PHKG2: variants seen among roughly 807,000 people sequenced by gnomAD.
PHKG2 encodes phosphorylase b kinase gamma catalytic chain, liver/testis isoform.
Under a neutral mutation model 44.5 loss-of-function variants are expected in PHKG2, and 28 were observed. The ratio of observed to expected loss-of-function variants is 0.63; its 90% CI spans 0.47 to 0.86. PHKG2 has a LOEUF of 0.86. PHKG2 is among the 40% of genes least tolerant of loss of function. PHKG2 has a pLI of 0.00. For synonymous variants in PHKG2, 220 were observed against 211.2 expected (o/e 1.04, Z -0.36); for missense variants, 498 against 547.5 (o/e 0.91, Z 0.90).
rs774055979 is a variant in PHKG2, at chr16:30,759,130, G to A, written c.*2033G>A. ...CAAACCAGAAGCAGGAAGAGACTGT[G>A]GCCCCAGGCCTGGCCCAGCCCAGCC... On this transcript the variant is annotated 3_prime_UTR_variant, in exon 10 of 10. Coordinates refer to ENST00000563588, the MANE Select transcript of PHKG2 (RefSeq NM_000294.3). 2.2e-5 allele frequency: 35 copies of A among 1,614,184 alleles called. No individual in the cohort carries two copies. In the South Asian group the frequency reaches 3.6e-4, roughly 17 times the overall value.
chr16:30,753,645 G>A lies in PHKG2; in HGVS notation c.556+88G>A. On this transcript the variant is annotated intron_variant, in intron 6 of 9. Coordinates refer to ENST00000563588, the MANE Select transcript of PHKG2 (RefSeq NM_000294.3). Reference sequence around the variant, plus strand: ...GGCTGGGTCTGAGTACCAAGTCCCTGGTGCCAAGAAAAAGGGAGAAGTCAT... The same window carrying A: ...GGCTGGGTCTGAGTACCAAGTCCCTAGTGCCAAGAAAAAGGGAGAAGTCAT... 2.3e-6 allele frequency: 3 copies of A among 1,325,276 alleles called. No individual in the cohort carries two copies. The South Asian group carries it at 3.7e-5, about 16-fold the overall frequency. The allele number at this position is 1,325,276 out of a possible 1,614,324, so 82.1% of individuals were successfully genotyped here.
chr16:30,751,156 A>G lies in PHKG2; in HGVS notation c.146A>G (p.Glu49Gly). Residue 49 changes from glutamate to glycine, a missense_variant, in exon 3 of 10, where the codon GAG becomes GGG. By Grantham distance (98) the Glu-to-Gly change is moderately conservative. Transcript: ENST00000563588. ...TGTGTTCATCGAGCTACTGGCCACG[A>G]GTTTGCGGTGAAGATTATGGAAGTG... ...RRCVHRATGHEFAVKIMEVTA... is the reference protein window; with the variant it reads ...RRCVHRATGHGFAVKIMEVTA... 1 of 1,613,916 alleles carries G rather than the reference A, an allele frequency of 6.2e-7. No homozygotes were observed. The highest frequency in any genetic ancestry group is 8.5e-7 in the Non-Finnish European group (1 of 1,180,022).
In PHKG2 at chr16:30,753,498, A is replaced by C. The variant is rs757490714; in HGVS notation, c.497A>C (p.Gln166Pro). 1 of 1,614,174 alleles carries C rather than the reference A, an allele frequency of 6.2e-7. No individual in the cohort carries two copies. Among genetic ancestry groups the C allele is most frequent in the South Asian group, 1.1e-5 (1 of 91,084 alleles). Residue 166 changes from glutamine to proline, a missense_variant, in exon 6 of 10, where the codon CAG becomes CCG. By Grantham distance (76) the Gln-to-Pro change is moderately conservative (BLOSUM62 -1). Transcript: ENST00000563588. ...AATATTCTCCTAGATGACAATATGCAGATCCGACTTTCAGATTTCGGGTTC... is the reference window on the plus strand; with the variant it reads ...AATATTCTCCTAGATGACAATATGCCGATCCGACTTTCAGATTTCGGGTTC... Reference protein sequence around the residue: ...PENILLDDNMQIRLSDFGFSC... With the variant: ...PENILLDDNMPIRLSDFGFSC...
chr16:30,751,038 G>C, intron 2 of PHKG2, 68 bp from the exon 3 acceptor site: 1 of 1,528,564 alleles, frequency 6.5e-7, no homozygotes, highest in Non-Finnish European at 9.0e-7. Context: ...TGAGGATGCT[G>C]AGGCCCCAGC....
rs779878553 is a variant in PHKG2, at chr16:30,756,915, C to T, written c.1039C>T (p.Arg347Trp). Residue 347 changes from arginine (R) to tryptophan (W), a missense_variant, in exon 10 of 10, where the codon CGG becomes TGG. Physicochemically the swap from Arg to Trp is moderately radical, Grantham distance 101. Transcript: ENST00000563588. ...LRDPYALRSV[R>W]HLIDNCAFRL... ...GGACCCTTATGCGCTGCGGTCAGTG[C>T]GGCACCTCATCGACAACTGTGCCTT... The T allele has an allele frequency of 5.6e-6, 9 of 1,613,868 alleles. No homozygotes were observed. Among genetic ancestry groups the T allele is most frequent in the African/African-American group, 4.0e-5 (3 of 74,914 alleles).
rs1195679291 is a variant in PHKG2, at chr16:30,751,616, C to T, written c.326+13C>T. 6.2e-7 allele frequency: 1 copy of T among 1,608,300 alleles called. No homozygotes were observed. Among genetic ancestry groups the T allele is most frequent in the Admixed American group, 1.7e-5 (1 of 60,014 alleles). On this transcript the variant is annotated intron_variant, in intron 4 of 9. Transcript: ENST00000563588. The stretch of plus-strand genomic sequence containing the variant: ...TGGTGTTTGACCTGTGAGTATCTCC[C>T]TGCCACCATCTGAGAAGCCTCCTCC...
chr16:30,753,089 G>T (rs2053372673), intron 4 of PHKG2, 143 bp from the exon 5 acceptor site: 1 of 731,210 alleles, frequency 1.4e-6, no homozygotes. Flanking sequence ...CCTTGTTGGA[G>T]TGCTGTGTTT....
chr16:30,757,862 C>A lies in PHKG2; in HGVS notation c.*765C>A. 7.4e-7 allele frequency: 1 copy of A among 1,357,934 alleles called. No individual in the cohort carries two copies. The allele number at this position is 1,357,934 out of a possible 1,614,324, so 84.1% of individuals were successfully genotyped here. On this transcript the variant is annotated 3_prime_UTR_variant, in exon 10 of 10. Coordinates refer to ENST00000563588, the MANE Select transcript of PHKG2 (RefSeq NM_000294.3). The stretch of plus-strand genomic sequence containing the variant: ...ATGCTGGACTTTGCAGCTTCAAATT[C>A]TGATCCCTACTCAGTAGCTGTGTGA...
rs767906816 is a variant in PHKG2 at position 30,756,897 on chromosome 16, T to C, written c.1021T>C (p.Tyr341His). The change falls in exon 10 of 10, where the codon TAT (tyrosine) becomes CAT (histidine). Residue 341 changes from tyrosine to histidine, a missense_variant. Physicochemically the swap from Tyr to His is moderately conservative, Grantham distance 83 (BLOSUM62 2). Coordinates refer to ENST00000563588, the MANE Select transcript of PHKG2 (RefSeq NM_000294.3). ...LTKNALLRDP[Y>H]ALRSVRHLID... ...CAAGAATGCACTGTTGAGGGACCCTTATGCGCTGCGGTCAGTGCGGCACCT... is the reference window on the plus strand; with the variant it reads ...CAAGAATGCACTGTTGAGGGACCCTCATGCGCTGCGGTCAGTGCGGCACCT... 8 of 1,614,122 alleles carry C rather than the reference T, an allele frequency of 5.0e-6. No individual in the cohort carries two copies. The South Asian group carries it at 8.8e-5, about 18-fold the overall frequency.
chr16:30,756,363 C>T lies in PHKG2; in HGVS notation c.648-4C>T. The T allele has an allele frequency of 6.2e-7, 1 of 1,614,174 alleles. No individual in the cohort carries two copies. The highest frequency in any genetic ancestry group is 8.5e-7 in the Non-Finnish European group (1 of 1,180,024). On this transcript the variant is annotated splice_polypyrimidine_tract_variant and splice_region_variant and intron_variant, in intron 7 of 9. Coordinates refer to ENST00000563588, the MANE Select transcript of PHKG2 (RefSeq NM_000294.3). ...GTCCCGCCTGACTCCAGTCTCTTTCCCAGCTGGGCCTGTGGGGTGATCTTG... is the reference window on the plus strand; with the variant it reads ...GTCCCGCCTGACTCCAGTCTCTTTCTCAGCTGGGCCTGTGGGGTGATCTTG...
chr16:30,757,983 G>T lies in PHKG2; in HGVS notation c.*886G>T. ...ACATAGGATTGAGGGAGGATTAAATGAGTTAATTTATGTAAAATGCTTAGA... is the reference window on the plus strand; with the variant it reads ...ACATAGGATTGAGGGAGGATTAAATTAGTTAATTTATGTAAAATGCTTAGA... On this transcript the variant is annotated 3_prime_UTR_variant, in exon 10 of 10. Coordinates refer to ENST00000563588, the MANE Select transcript of PHKG2 (RefSeq NM_000294.3). 1 of 324,798 alleles carries T rather than the reference G, an allele frequency of 3.1e-6. No homozygotes were observed. Among genetic ancestry groups the T allele is most frequent in the Non-Finnish European group, 5.2e-6 (1 of 193,308 alleles). 20.1% of individuals were successfully genotyped at this position (324,798 alleles called of 1,614,324 possible). A position where few individuals can be genotyped will look rare whatever the true frequency, so the allele number is the denominator to read the frequency against.
intron 6 of PHKG2, chr16:30,754,862 C>T (rs1352277170): frequency 4.4e-6 from 2 of 455,918 alleles, no homozygotes; most frequent in Admixed American, 4.7e-5. Context: ...TGTTATTTCT[C>T]ACTTGCCTTC....
At chr16:30,755,230 A>G in intron 6 of PHKG2, 1 of 192,360 alleles carries the variant, frequency 5.2e-6, no homozygotes, top group Non-Finnish European at 1.1e-5. Context: ...TGACATAGCG[A>G]CCCTGTCTCT....
rs925252976 is a variant in PHKG2 at position 30,761,081 on chromosome 16, C to T, written c.*3984C>T. On this transcript the variant is annotated 3_prime_UTR_variant, in exon 10 of 10. Coordinates refer to ENST00000563588, the MANE Select transcript of PHKG2 (RefSeq NM_000294.3). ...AACTTCCAGTCACCTGGAGTAATTG[C>T]ATCTCCAGGCCTCAGTCTCATCTGT... 15 of 1,169,512 alleles carry T rather than the reference C, an allele frequency of 1.3e-5. No individual in the cohort carries two copies. Among genetic ancestry groups the T allele is most frequent in the Non-Finnish European group, 1.7e-5 (14 of 820,562 alleles). 72.4% of individuals were successfully genotyped at this position (1,169,512 alleles called of 1,614,324 possible).
rs1028811700 is a variant in PHKG2 at position 30,758,842 on chromosome 16, C to T, written c.*1745C>T. On this transcript the variant is annotated 3_prime_UTR_variant, in exon 10 of 10. Transcript: ENST00000563588. ...GGGATTACAGGTGTGAGCCACCACGCCTGGCCTGCAGCTGTGCTTTTATCT... is the reference window on the plus strand; with the variant it reads ...GGGATTACAGGTGTGAGCCACCACGTCTGGCCTGCAGCTGTGCTTTTATCT... 1.7e-6 allele frequency: 2 copies of T among 1,189,982 alleles called. No homozygotes were observed. Among genetic ancestry groups the T allele is most frequent in the Non-Finnish European group, 1.1e-6 (1 of 871,606 alleles). The allele number at this position is 1,189,982 out of a possible 1,614,324, so 73.7% of individuals were successfully genotyped here. A position where few individuals can be genotyped will look rare whatever the true frequency, so the allele number is the denominator to read the frequency against.
Position 30,757,864 on chromosome 16 carries a change from G to C in PHKG2, c.*767G>C. Reference sequence around the variant, plus strand: ...GCTGGACTTTGCAGCTTCAAATTCTGATCCCTACTCAGTAGCTGTGTGACC... The same window carrying C: ...GCTGGACTTTGCAGCTTCAAATTCTCATCCCTACTCAGTAGCTGTGTGACC... On this transcript the variant is annotated 3_prime_UTR_variant, in exon 10 of 10. Transcript: ENST00000563588. The C allele has an allele frequency of 7.4e-7, 1 of 1,358,186 alleles. No homozygotes were observed. The highest frequency in any genetic ancestry group is 9.6e-7 in the Non-Finnish European group (1 of 1,046,418). The allele number at this position is 1,358,186 out of a possible 1,614,324, so 84.1% of individuals were successfully genotyped here.
chr16:30,758,790 G>A lies in PHKG2; in HGVS notation c.*1693G>A. 1 of 717,268 alleles carries A rather than the reference G, an allele frequency of 1.4e-6. No homozygotes were observed. The highest frequency in any genetic ancestry group is 2.2e-6 in the Non-Finnish European group (1 of 454,178). 44.4% of individuals were successfully genotyped at this position (717,268 alleles called of 1,614,324 possible). A position where few individuals can be genotyped will look rare whatever the true frequency, so the allele number is the denominator to read the frequency against. On this transcript the variant is annotated 3_prime_UTR_variant, in exon 10 of 10. Transcript: ENST00000563588. ...GGCTGGTCGCGAACTCCTGAGCTCAGGCAATCCGCCTGCCTCAGATTGTGC... is the reference window on the plus strand; with the variant it reads ...GGCTGGTCGCGAACTCCTGAGCTCAAGCAATCCGCCTGCCTCAGATTGTGC...
intron 4 of PHKG2, among the ~76,000 whole-genome samples, chr16:30,752,210 C>A (rs1567261351): frequency 6.9e-6 from 1 of 144,164 alleles, no homozygotes; most frequent in Non-Finnish European, 1.5e-5. Flanking sequence ...CCAGCCTGGA[C>A]AACATGGCGA....
chr16:30,755,693 A>C (rs895990681), intron 6 of PHKG2, among the ~76,000 whole-genome samples: 1 of 152,084 alleles, frequency 6.6e-6, no homozygotes, highest in Admixed American at 6.5e-5. Flanking sequence ...AAAAGAAAAG[A>C]AATTCCTTAT....
Sources: gnomAD v4.1 joint callset for allele counts (sites outside exome capture counted in the v4.1 genomes callset) on GRCh38, gnomAD v4.1.1 for gene constraint, MANE v1.5 for transcripts, NCBI Gene and HGNC (gene_info 2026-07-23, HGNC 2026-07-21) for gene names.